The following ACSM2A variants were observed in gnomAD, a reference collection of about 807,000 sequenced individuals.
ACSM2A encodes the protein acyl-coenzyme A synthetase ACSM2A, mitochondrial.
ACSM2A carries 72 observed loss-of-function variants against 76.6 expected under a neutral mutation model. The ratio of observed to expected loss-of-function variants is 0.94; its 90% CI spans 0.78 to 1.14. The LOEUF is 1.14. ACSM2A is among the 50% of genes most tolerant of loss of function. The pLI is 0.00. For synonymous variants in ACSM2A, 249 were observed against 255.9 expected (o/e 0.97, Z 0.26); for missense variants, 684 against 708.5 (o/e 0.97, Z 0.39).
intron 2 of ACSM2A, among the ~76,000 whole-genome samples, chr16:20,464,661 C>T (rs1181960918): frequency 6.6e-6 from 1 of 152,118 alleles, no homozygotes; most frequent in East Asian, 1.9e-4. Flanking sequence ...CCACCTCTGA[C>T]ATTGGGGATT....
intron 2 of ACSM2A, 138 bp downstream of exon 2, chr16:20,460,429 C>T (rs1471897492): frequency 3.4e-6 from 5 of 1,474,652 alleles, no homozygotes; most frequent in African/African-American, 1.4e-5. Flanking sequence ...CACTCGTCTT[C>T]CATGAAGGCA....
intron 5 of ACSM2A, 115 bp downstream of exon 5, chr16:20,471,331 C>G (rs944428473): frequency 2.0e-6 from 3 of 1,516,360 alleles, no homozygotes; most frequent in African/African-American, 1.4e-5. Flanking sequence ...TCTGAACATT[C>G]ATCTCCTGTT....
intron 1 of ACSM2A, among the ~76,000 whole-genome samples, chr16:20,459,726 G>A (rs553014186): frequency 1.3e-5 from 2 of 152,144 alleles, no homozygotes; most frequent in South Asian, 2.1e-4. Context: ...TAAATGCACT[G>A]GGAAGTCACT....
intron 1 of ACSM2A, among the ~76,000 whole-genome samples, chr16:20,459,276 A>G (rs1424791320): frequency 1.3e-5 from 2 of 152,114 alleles, no homozygotes; most frequent in Admixed American, 6.6e-5. Flanking sequence ...AAGAACTTAT[A>G]TAGAAACAAC....
rs375567828 is a variant in ACSM2A, at chr16:20,463,169, C to T, written c.178-2348C>T. On this transcript the variant is annotated intron_variant, in intron 2 of 13. Transcript: ENST00000573854. The stretch of plus-strand genomic sequence containing the variant: ...AGCTGTGCAGCACACCAACATGGCA[C>T]ATGTATACATATGTGACAAACGTGC... Among the ~76,000 whole-genome samples the T allele has an allele frequency of 9.4e-4, 143 of 151,688 alleles. 2 individuals are homozygous for T. The South Asian group carries it at 0.028, about 30-fold the overall frequency.
intron 2 of ACSM2A, among the ~76,000 whole-genome samples, chr16:20,463,446 A>G (rs2012761578): frequency 6.6e-6 from 1 of 151,694 alleles, no homozygotes; most frequent in African/African-American, 2.4e-5. Context: ...TCCCACACGA[A>G]TGACTTAGCA....
At position 20,471,173 on chromosome 16, in the gene ACSM2A, C is replaced by A. The variant is rs2013369312; in HGVS notation, c.697C>A (p.His233Asn). ...CAGTGGTCTTCCCAAGATGGCAGAA[C>A]ATTCCTACTCGAGCCTGGGCCTCAA... ...GTSGLPKMAE[H>N]SYSSLGLKAK... The change falls in exon 5 of 14, where the codon CAT (histidine) becomes AAT (asparagine). Residue 233 changes from histidine (H) to asparagine (N), a missense_variant. By Grantham distance (68) the His-to-Asn change is moderately conservative (BLOSUM62 1). Coordinates refer to ENST00000573854, the MANE Select transcript of ACSM2A (RefSeq NM_001308172.2). 4.3e-6 allele frequency: 7 copies of A among 1,612,500 alleles called. No individual in the cohort carries two copies. The East Asian group carries it at 1.6e-4, about 36-fold the overall frequency.
At chr16:20,454,567 G>T (rs2012006965) in intron 1 of ACSM2A, among the ~76,000 whole-genome samples, 2 of 151,760 alleles carry the variant, frequency 1.3e-5, no homozygotes, top group South Asian at 4.2e-4. Flanking sequence ...ATAACAATCA[G>T]TACAGTTTGG....
At position 20,461,122 on chromosome 16, in the gene ACSM2A, G is replaced by A. The variant is rs909269921; in HGVS notation, c.177+831G>A. On this transcript the variant is annotated intron_variant, in intron 2 of 13. Transcript: ENST00000573854. ...CTGTAGGATGGAAGGATTCATTCTG[G>A]CTAGGGTAGGGGAAGGGGTGGAGCT... is the stretch of plus-strand genomic sequence containing the variant. Among the ~76,000 whole-genome samples the A allele has an allele frequency of 6.2e-5, 9 of 145,850 alleles. No individual in the cohort carries two copies. In the Admixed American group the frequency reaches 6.2e-4, roughly 10 times the overall value.
In ACSM2A at chr16:20,475,309, T is replaced by C. The variant is rs1370620396; in HGVS notation, c.895-53T>C. 3.1e-6 allele frequency: 5 copies of C among 1,612,890 alleles called. No homozygotes were observed. In the African/African-American group the frequency reaches 6.7e-5, roughly 22 times the overall value. On this transcript the variant is annotated intron_variant, in intron 6 of 13. Transcript: ENST00000573854. ...CAATTGTAACCACTGTGCATAGCCA[T>C]AAGTTGGCATTTGACCTGGTGACCA...
chr16:20,467,197 G>C (rs560078767), intron 3 of ACSM2A, among the ~76,000 whole-genome samples: 121 of 152,316 alleles, frequency 7.9e-4, no homozygotes, highest in African/African-American at 2.8e-3. Context: ...TGTGCCTGAA[G>C]TCCAGGCCAT....
intron 1 of ACSM2A, among the ~76,000 whole-genome samples, chr16:20,455,248 C>T (rs1323298478): frequency 4.6e-5 from 7 of 151,018 alleles, no homozygotes; most frequent in African/African-American, 1.5e-4. Context: ...GGAAAACTTT[C>T]CCAGCCTTGC....
rs371445919 is a variant in ACSM2A, at chr16:20,477,389, C to T, written c.1119C>T (p.Ser373=). The T allele has an allele frequency of 2.5e-6, 4 of 1,609,026 alleles. No homozygotes were observed. Among genetic ancestry groups the T allele is most frequent in the Non-Finnish European group, 3.4e-6 (4 of 1,177,040 alleles). The part of the protein sequence containing the change: ...QTETGLTCMV[S]KTMKIKPGYM... The stretch of plus-strand genomic sequence containing the variant: ...CACAGGGATTAACTTGCATGGTTTC[C>T]AAGACAATGAAAATCAAACCAGGAT... Residue 373 remains serine (S), a synonymous_variant, in exon 9 of 14, where the codon TCC becomes TCT. Coordinates refer to ENST00000573854, the MANE Select transcript of ACSM2A (RefSeq NM_001308172.2).
intron 6 of ACSM2A, among the ~76,000 whole-genome samples, chr16:20,472,053 G>A (rs1389248186): frequency 4.0e-5 from 6 of 151,898 alleles, no homozygotes; most frequent in Non-Finnish European, 7.4e-5. Flanking sequence ...TCTCATGAGT[G>A]TGTGTGTGTG....
chr16:20,460,042 T>G (rs6497489), intron 1 of ACSM2A, 65 bp from the exon 2 acceptor site: 7 of 1,447,260 alleles, frequency 4.8e-6, no homozygotes, highest in Non-Finnish European at 6.5e-6. Flanking sequence ...CTCCTGAAGC[T>G]GCTGATGATC....
rs1327551807 is a variant in ACSM2A, at chr16:20,479,073, A to G, written c.1281+396A>G. Among the ~76,000 whole-genome samples the G allele has an allele frequency of 1.3e-4, 20 of 152,026 alleles. No homozygotes were observed. The East Asian group carries it at 3.1e-3, about 24-fold the overall frequency. On this transcript the variant is annotated intron_variant, in intron 10 of 13. Transcript: ENST00000573854. ...AGAGCCATGCCAGGCACTTTACAGT[A>G]AGACTTCACCATCTAGTTGGAGGAA...
intron 1 of ACSM2A, chr16:20,453,409 A>G (rs1596634030): frequency 6.6e-6 from 1 of 151,446 alleles, no homozygotes. Flanking sequence ...TTTCATGGAC[A>G]TTTATCACGT....
intron 3 of ACSM2A, 85 bp from the exon 4 acceptor site, chr16:20,469,427 G>C (rs1253878472): frequency 6.3e-7 from 1 of 1,582,878 alleles, no homozygotes; most frequent in African/African-American, 1.4e-5. Flanking sequence ...TTCCCCACTT[G>C]CTCGCTGCTT....
chr16:20,465,288 A>G (rs1476409674), intron 2 of ACSM2A, among the ~76,000 whole-genome samples: 1 of 152,234 alleles, frequency 6.6e-6, no homozygotes, highest in Non-Finnish European at 1.5e-5. Context: ...TATTTCTAAA[A>G]GCATACATTT....
Sources: gnomAD v4.1 joint callset for allele counts (sites outside exome capture counted in the v4.1 genomes callset) on GRCh38, gnomAD v4.1.1 for gene constraint, MANE v1.5 for transcripts, NCBI Gene and HGNC (gene_info 2026-07-23, HGNC 2026-07-21) for gene names.